LEO1: variants seen among roughly 807,000 people sequenced by gnomAD.
The protein encoded by LEO1 is LEO1 component of Paf1/RNA polymerase II complex.
LEO1 carries 34 observed loss-of-function variants against 80.4 expected under a neutral mutation model. The ratio of observed to expected loss-of-function variants is 0.42; its 90% CI spans 0.32 to 0.56. LEO1 has a LOEUF of 0.56. Among genes scored for constraint, LEO1 ranks in the 20% least tolerant of loss-of-function variants. LEO1 has a pLI of 0.10. For synonymous variants in LEO1, 262 were observed against 274.9 expected, an observed-to-expected ratio of 0.95 and a Z score of 0.46; for missense variants, 631 against 814.2, an observed-to-expected ratio of 0.77 and a Z score of 2.74.
intron 1 of LEO1, among the ~76,000 whole-genome samples, chr15:51,971,023 C>G (rs2057118648): frequency 6.6e-6 from 1 of 152,296 alleles, no homozygotes; most frequent in African/African-American, 2.4e-5. Flanking sequence ...TGCACATACA[C>G]TAATTCATTC....
At chr15:51,956,279 G>A (rs2056988266) in intron 6 of LEO1, among the ~76,000 whole-genome samples, 2 of 152,056 alleles carry the variant, frequency 1.3e-5, no homozygotes, top group Non-Finnish European at 2.9e-5. Flanking sequence ...AATTACCCGG[G>A]CATGGTGGCA....
intron 1 of LEO1, among the ~76,000 whole-genome samples, chr15:51,971,018 A>G (rs2057118553): frequency 6.6e-6 from 1 of 152,170 alleles, no homozygotes; most frequent in African/African-American, 2.4e-5. Flanking sequence ...CAGCATGCAC[A>G]TACACTAATT....
At chr15:51,969,325 C>T (rs1003350906) in intron 1 of LEO1, among the ~76,000 whole-genome samples, 2 of 151,618 alleles carry the variant, frequency 1.3e-5, no homozygotes, top group African/African-American at 4.8e-5. Context: ...ACACAAATGG[C>T]CAATAAATAC....
chr15:51,963,476 T>G (rs920422364), intron 2 of LEO1, among the ~76,000 whole-genome samples: 1 of 152,122 alleles, frequency 6.6e-6, no homozygotes, highest in African/African-American at 2.4e-5. Context: ...AGAACCACTG[T>G]TGAACTAGTA....
At chr15:51,967,171 G>C (rs902674664) in intron 1 of LEO1, among the ~76,000 whole-genome samples, 3 of 151,990 alleles carry the variant, frequency 2.0e-5, no homozygotes, top group Non-Finnish European at 4.4e-5. Context: ...AGCAGAAAAA[G>C]ATTCTTAAAT....
chr15:51,971,776 G>T lies in LEO1; in HGVS notation c.-31C>A. 1 of 1,612,374 alleles carries T rather than the reference G, an allele frequency of 6.2e-7. No individual in the cohort carries two copies. The highest frequency in any genetic ancestry group is 8.5e-7 in the Non-Finnish European group (1 of 1,178,478). The stretch of plus-strand genomic sequence containing the variant: ...CTCACGTCCGCTGCTGCCTCGGTTA[G>T]GGGCAGCTCCCGGCCTCTCTTTACG... On this transcript the variant is annotated 5_prime_UTR_variant, in exon 1 of 12. Transcript: ENST00000299601.
intron 2 of LEO1, among the ~76,000 whole-genome samples, chr15:51,964,378 C>T (rs2057058019): frequency 6.6e-6 from 1 of 151,966 alleles, no homozygotes; most frequent in Non-Finnish European, 1.5e-5. Flanking sequence ...GGGCAGGGAA[C>T]ATCACACACC....
chr15:51,942,880 C>A (rs1316420905), intron 11 of LEO1, among the ~76,000 whole-genome samples: 10 of 149,552 alleles, frequency 6.7e-5, no homozygotes, highest in African/African-American at 2.5e-4. Context: ...CAAGATGGCA[C>A]CACTGCAATC....
chr15:51,942,152 T>C (rs796899473), intron 11 of LEO1, among the ~76,000 whole-genome samples: 14 of 152,308 alleles, frequency 9.2e-5, no homozygotes, highest in African/African-American at 3.4e-4. Context: ...CATTCCTTAT[T>C]CCATTGTAAC....
intron 11 of LEO1, among the ~76,000 whole-genome samples, chr15:51,940,372 A>G (rs1251159587): frequency 6.6e-6 from 1 of 151,492 alleles, no homozygotes; most frequent in Admixed American, 6.6e-5. Context: ...CAGCCCAGCC[A>G]ACATGGTGAA....
intron 6 of LEO1, among the ~76,000 whole-genome samples, chr15:51,956,811 A>T (rs1473669226): frequency 2.0e-5 from 3 of 152,154 alleles, no homozygotes; most frequent in African/African-American, 7.2e-5. Flanking sequence ...ATTTTAGGGT[A>T]AAATACATAT....
At chr15:51,957,684 T>G (rs2056999982) in intron 6 of LEO1, among the ~76,000 whole-genome samples, 1 of 152,150 alleles carries the variant, frequency 6.6e-6, no homozygotes, top group South Asian at 2.1e-4. Flanking sequence ...ATATAAAAAT[T>G]CAGTGCCTAA....
chr15:51,956,496 T>A (rs1236824494), intron 6 of LEO1, among the ~76,000 whole-genome samples: 1 of 151,362 alleles, frequency 6.6e-6, no homozygotes, highest in South Asian at 2.1e-4. Context: ...CTTTCTATTA[T>A]ATAAAGTGAT....
In LEO1 at chr15:51,970,142, C is replaced by T. The variant is rs758299990; in HGVS notation, c.58+1546G>A. 1.2e-4 allele frequency among the ~76,000 whole-genome samples: 19 copies of T among 152,146 alleles called. 1 individual carries two copies. The highest frequency in any genetic ancestry group is 3.9e-4 in the African/African-American group (16 of 41,528). ...TCCTCCCAAAATTAAAAACAGGCAC[C>T]CAAACATGTACATGAATTTATTTAT... is the stretch of plus-strand genomic sequence containing the variant. On this transcript the variant is annotated intron_variant, in intron 1 of 11. Coordinates refer to ENST00000299601, the MANE Select transcript of LEO1 (RefSeq NM_138792.4).
chr15:51,971,436 C>T (rs1186152811), intron 1 of LEO1, among the ~76,000 whole-genome samples: 3 of 152,244 alleles, frequency 2.0e-5, no homozygotes, highest in African/African-American at 7.2e-5. Context: ...ACCCATGCCC[C>T]GCGCCCCTTT....
chr15:51,970,768 T>C (rs979309868), intron 1 of LEO1, among the ~76,000 whole-genome samples: 2 of 152,184 alleles, frequency 1.3e-5, no homozygotes, highest in African/African-American at 4.8e-5. Flanking sequence ...TACAAGAGAC[T>C]CACTTTACTT....
chr15:51,969,289 G>C (rs1026197840), intron 1 of LEO1, among the ~76,000 whole-genome samples: 2 of 151,512 alleles, frequency 1.3e-5, no homozygotes, highest in African/African-American at 4.8e-5. Context: ...CAGAGGACTT[G>C]AATAGACATT....
At chr15:51,962,790 G>A (rs989460008) in intron 2 of LEO1, among the ~76,000 whole-genome samples, 1 of 152,150 alleles carries the variant, frequency 6.6e-6, no homozygotes, top group Non-Finnish European at 1.5e-5. Flanking sequence ...TTTAGGGGTA[G>A]CAGAAAGATA....
chr15:51,957,317 T>C (rs978005079), intron 6 of LEO1, among the ~76,000 whole-genome samples: 8 of 152,114 alleles, frequency 5.3e-5, no homozygotes, highest in African/African-American at 1.7e-4. Flanking sequence ...TGAAAAGTAG[T>C]AGAATTAAAG....
Sources: gnomAD v4.1 joint callset for allele counts (sites outside exome capture counted in the v4.1 genomes callset) on GRCh38, gnomAD v4.1.1 for gene constraint, MANE v1.5 for transcripts, NCBI Gene and HGNC (gene_info 2026-07-23, HGNC 2026-07-21) for gene names.